The following HCN2 variants were observed in gnomAD, a reference collection of about 807,000 sequenced individuals.
The protein encoded by HCN2 is hyperpolarization activated cyclic nucleotide gated potassium and sodium channel 2.
A neutral mutation model predicts 52.3 loss-of-function variants in HCN2; 20 were observed. That is an observed-to-expected ratio of 0.38 (90% CI 0.27 to 0.56). HCN2 has a LOEUF of 0.56. Ranked by LOEUF, HCN2 falls within the 20% of genes least tolerant of loss-of-function variation. HCN2 has a pLI of 0.71. For synonymous variants in HCN2, 694 were observed against 537.0 expected (o/e 1.29, Z -4.04); for missense variants, 981 against 1,207.7 (o/e 0.81, Z 2.78).
In HCN2 at chr19:617,019, G is replaced by A. The variant is rs1007278171; in HGVS notation, c.*545G>A. On this transcript the variant is annotated 3_prime_UTR_variant, in exon 8 of 8. Transcript: ENST00000251287. ...CCGAGAGGCAGGCCTGGCTGCGCAG[G>A]GCGCGGGGGGGAGGCTGGGGTCCCG... The A allele has an allele frequency of 3.1e-5, 16 of 508,990 alleles. No individual in the cohort carries two copies. The highest frequency in any genetic ancestry group is 5.4e-5 in the Non-Finnish European group (15 of 277,486). 31.5% of individuals were successfully genotyped at this position (508,990 alleles called of 1,614,324 possible). A position where few individuals can be genotyped will look rare whatever the true frequency, so the allele number is the denominator to read the frequency against.
chr19:615,783 CCT>C lies in HCN2; in HGVS notation c.1991-8_1991-7del, dbSNP rs776002683. The C allele has an allele frequency of 3.1e-6, 5 of 1,610,632 alleles. No homozygotes were observed. Among genetic ancestry groups the C allele is most frequent in the Non-Finnish European group, 2.5e-6 (3 of 1,179,304 alleles). ...GCTCCCTGTGCACACGCTAACGCCC[CCT>C]CTCCCGCAGGCAAGAAGAATTCCAT... On this transcript the variant is annotated splice_polypyrimidine_tract_variant and intron_variant, in intron 7 of 7. Transcript: ENST00000251287.
chr19:613,817 T>G, intron 6 of HCN2, 35 bp from the exon 7 acceptor site: 21 of 1,478,640 alleles, frequency 1.4e-5, no homozygotes, highest in Non-Finnish European at 1.8e-5. Context: ...GGCGCCCGCC[T>G]CGTCCAGCAA....
At chr19:609,391 C>T (rs1404133555) in intron 4 of HCN2, among the ~76,000 whole-genome samples, 1 of 152,222 alleles carries the variant, frequency 6.6e-6, no homozygotes, top group Non-Finnish European at 1.5e-5. Flanking sequence ...GAAGGGGGTC[C>T]TGTGTGTCAG....
chr19:592,154 C>T lies in HCN2; in HGVS notation c.632+1577C>T, dbSNP rs1982892373. 6.6e-6 allele frequency among the ~76,000 whole-genome samples: 1 copy of T among 152,204 alleles called. No homozygotes were observed. The highest frequency in any genetic ancestry group is 6.5e-5 in the Admixed American group (1 of 15,282). On this transcript the variant is annotated intron_variant, in intron 1 of 7. Coordinates refer to ENST00000251287, the MANE Select transcript of HCN2 (RefSeq NM_001194.4). This position sits in a 1 kb window ranked among gnomAD's most constrained non-coding sequence, Gnocchi z 4.8. ...CTGCTGGTCGGCCTGGCCCCACTTCCAGTCGGGCAGTGGCACCCCCTGACC... is the reference window on the plus strand; with the variant it reads ...CTGCTGGTCGGCCTGGCCCCACTTCTAGTCGGGCAGTGGCACCCCCTGACC...
rs1381620056 is a variant in HCN2 at position 616,296 on chromosome 19, C to T, written c.2492C>T (p.Ala831Val). 1.7e-5 allele frequency: 19 copies of T among 1,088,238 alleles called. No homozygotes were observed. In the East Asian group the frequency reaches 2.3e-4, roughly 13 times the overall value. 67.4% of individuals were successfully genotyped at this position (1,088,238 alleles called of 1,614,324 possible). The change falls in exon 8 of 8, where the codon GCC becomes GTC. Residue 831 changes from alanine (A) to valine (V), a missense_variant. This residue lies in a region of HCN2 where 368 missense variants were observed against 314.8 expected (regional missense o/e 1.17). Transcript: ENST00000251287. ...TCGCAGCCCTCGCTGCCTCACGGCG[C>T]CCCCGGCCCCGCGGCCTCCACACGC... ...SASQPSLPHG[A>V]PGPAASTRPA...
At chr19:608,462 G>A (rs773037697) in intron 4 of HCN2, among the ~76,000 whole-genome samples, 3 of 151,962 alleles carry the variant, frequency 2.0e-5, no homozygotes, top group African/African-American at 7.2e-5. Flanking sequence ...GGCAGAGACC[G>A]CGTGATGGGG....
At position 603,749 on chromosome 19, in the gene HCN2, G is replaced by A. The variant is rs114790896; in HGVS notation, c.838G>A (p.Glu280Lys). ...EDNTEIILDP[E>K]KIKKKYLRTW... ...CAACACGGAGATCATCCTGGACCCCGAGAAGATCAAGAAGAAGTATCTGCG... is the reference window on the plus strand; with the variant it reads ...CAACACGGAGATCATCCTGGACCCCAAGAAGATCAAGAAGAAGTATCTGCG... The change falls in exon 2 of 8, where the codon GAG becomes AAG. Residue 280 changes from glutamate (E) to lysine (K), a missense_variant. Physicochemically the swap from Glu to Lys is moderately conservative, Grantham distance 56. Coordinates refer to ENST00000251287, the MANE Select transcript of HCN2 (RefSeq NM_001194.4). 1.4e-3 allele frequency: 2,263 copies of A among 1,612,912 alleles called. 25 individuals are homozygous for A. The African/African-American group carries it at 0.028, about 20-fold the overall frequency.
intron 2 of HCN2, among the ~76,000 whole-genome samples, chr19:604,310 C>G (rs1983325400): frequency 7.4e-6 from 1 of 134,442 alleles, no homozygotes; most frequent in Non-Finnish European, 1.6e-5. Flanking sequence ...TATGAGAGAT[C>G]TGGGTGGGGT....
chr19:601,676 T>C (rs910387438), intron 1 of HCN2, among the ~76,000 whole-genome samples: 1 of 152,184 alleles, frequency 6.6e-6, no homozygotes, highest in African/African-American at 2.4e-5. Flanking sequence ...GGTAATTTTA[T>C]GTCTTTTTAA....
In HCN2 at chr19:610,270, G is replaced by A. The variant is rs771289944; in HGVS notation, c.1449G>A (p.Val483=). ...CCTCCTCCCCACAGTACAAGCAGGT[G>A]GAGCAGTACATGTCCTTCCACAAGC... ...RRQYQEKYKQ[V]EQYMSFHKLP... is the part of the protein sequence containing the mutation. The change falls in exon 5 of 8, where the codon GTG becomes GTA. Residue 483 remains valine, a synonymous_variant. Transcript: ENST00000251287. The A allele has an allele frequency of 6.2e-7, 1 of 1,613,302 alleles. No individual in the cohort carries two copies. Among genetic ancestry groups the A allele is most frequent in the Non-Finnish European group, 8.5e-7 (1 of 1,179,722 alleles).
Position 616,555 on chromosome 19 carries a change from C to T in HCN2, c.*81C>T, listed in dbSNP as rs1472184586. ...ACCAAAGCCATGCCATTGCGCTGCCCCGGCCGCCAGTCCGCCCAGAAGCCA... is the reference window on the plus strand; with the variant it reads ...ACCAAAGCCATGCCATTGCGCTGCCTCGGCCGCCAGTCCGCCCAGAAGCCA... On this transcript the variant is annotated 3_prime_UTR_variant, in exon 8 of 8. Transcript: ENST00000251287. 1.5e-5 allele frequency: 13 copies of T among 848,438 alleles called. No homozygotes were observed. The highest frequency in any genetic ancestry group is 1.8e-5 in the African/African-American group (1 of 54,652). The allele number at this position is 848,438 out of a possible 1,614,324, so 52.6% of individuals were successfully genotyped here. A position where few individuals can be genotyped will look rare whatever the true frequency, so the allele number is the denominator to read the frequency against.
In HCN2 at chr19:616,325, G is replaced by T; in HGVS notation, c.2521G>T (p.Ala841Ser). The stretch of plus-strand genomic sequence containing the variant: ...CGGCCCCGCGGCCTCCACACGCCCG[G>T]CCAGCAGCTCCACACCGCGCTTGGG... The part of the protein sequence containing the change: ...APGPAASTRP[A>S]SSSTPRLGPT... The change falls in exon 8 of 8, where the codon GCC (alanine) becomes TCC (serine). Residue 841 changes from alanine (A) to serine (S), a missense_variant. Coordinates refer to ENST00000251287, the MANE Select transcript of HCN2 (RefSeq NM_001194.4). The T allele has an allele frequency of 8.5e-7, 1 of 1,174,502 alleles. No homozygotes were observed. The highest frequency in any genetic ancestry group is 2.2e-5 in the South Asian group (1 of 44,740). 72.8% of individuals were successfully genotyped at this position (1,174,502 alleles called of 1,614,324 possible). A position where few individuals can be genotyped will look rare whatever the true frequency, so the allele number is the denominator to read the frequency against.
At position 617,095 on chromosome 19, in the gene HCN2, G is replaced by GCCCCCCCCCCCCCCATAAA; in HGVS notation, c.*627_*628insCCCCCCCCATAAACCCCCC. 1.9e-6 allele frequency: 1 copy of GCCCCCCCCCCCCCCATAAA among 513,172 alleles called. No homozygotes were observed. Among genetic ancestry groups the GCCCCCCCCCCCCCCATAAA allele is most frequent in the Non-Finnish European group, 3.5e-6 (1 of 282,116 alleles). 31.8% of individuals were successfully genotyped at this position (513,172 alleles called of 1,614,324 possible). ...CCGAGGCAGCAGTGCCCCCACCGTGGCCCCCCACGCCCCATTAACCCCCAC... is the reference window on the plus strand; with the variant it reads ...CCGAGGCAGCAGTGCCCCCACCGTGGCCCCCCCCCCCCCCATAAACCCCCCACGCCCCATTAACCCCCAC... On this transcript the variant is annotated 3_prime_UTR_variant, in exon 8 of 8. Coordinates refer to ENST00000251287, the MANE Select transcript of HCN2 (RefSeq NM_001194.4).
chr19:609,682 C>G (rs1983541571), intron 4 of HCN2, among the ~76,000 whole-genome samples: 1 of 152,164 alleles, frequency 6.6e-6, no homozygotes, highest in Non-Finnish European at 1.5e-5. Flanking sequence ...GGGAGGATCC[C>G]TTGAGCCCAG....
rs1013018256 is a variant in HCN2 at position 616,890 on chromosome 19, C to T, written c.*416C>T. 5 of 289,072 alleles carry T rather than the reference C, an allele frequency of 1.7e-5. No individual in the cohort carries two copies. The highest frequency in any genetic ancestry group is 3.3e-5 in the Non-Finnish European group (5 of 152,724). The allele number at this position is 289,072 out of a possible 1,614,324, so 17.9% of individuals were successfully genotyped here. ...GTGCAATACTTGGCCCGCCGGCTTC[C>T]CGCTGCCCCCATCGCGCTCACGCAA... On this transcript the variant is annotated 3_prime_UTR_variant, in exon 8 of 8. Coordinates refer to ENST00000251287, the MANE Select transcript of HCN2 (RefSeq NM_001194.4).
Position 616,491 on chromosome 19 carries a change from C to T in HCN2, c.*17C>T, listed in dbSNP as rs2144541767. The T allele has an allele frequency of 1.6e-6, 2 of 1,214,044 alleles. No homozygotes were observed. Among genetic ancestry groups the T allele is most frequent in the Non-Finnish European group, 1.0e-6 (1 of 973,716 alleles). The allele number at this position is 1,214,044 out of a possible 1,614,324, so 75.2% of individuals were successfully genotyped here. A position where few individuals can be genotyped will look rare whatever the true frequency, so the allele number is the denominator to read the frequency against. On this transcript the variant is annotated 3_prime_UTR_variant, in exon 8 of 8. Transcript: ENST00000251287. ...AACTTGTGACCCTCGCCGACCGCCC[C>T]GCGGGCCCAGGCGGGCCGGGGGCGG...
rs993881190 is a variant in HCN2 at position 592,145 on chromosome 19, C to T, written c.632+1568C>T. ...CTTCCAGGGCTGCTGGTCGGCCTGG[C>T]CCCACTTCCAGTCGGGCAGTGGCAC... On this transcript the variant is annotated intron_variant, in intron 1 of 7. Transcript: ENST00000251287. This position sits in a 1 kb window ranked among gnomAD's most constrained non-coding sequence, Gnocchi z 4.8. Among the ~76,000 whole-genome samples the T allele has an allele frequency of 6.6e-6, 1 of 152,204 alleles. No individual in the cohort carries two copies. The highest frequency in any genetic ancestry group is 2.4e-5 in the African/African-American group (1 of 41,456).
intron 5 of HCN2, among the ~76,000 whole-genome samples, chr19:610,843 C>A (rs1419956575): frequency 6.6e-6 from 1 of 152,120 alleles, no homozygotes; most frequent in African/African-American, 2.4e-5. Flanking sequence ...GTGGCTTGAA[C>A]AGCGGAGATT....
rs1407991290 is a variant in HCN2 at position 592,368 on chromosome 19, GGGGCAGGT to G, written c.632+1798_632+1805del. On this transcript the variant is annotated intron_variant, in intron 1 of 7. Transcript: ENST00000251287. This position sits in a 1 kb window ranked among gnomAD's most constrained non-coding sequence, Gnocchi z 4.8. ...TGCAGAGGGGCGGTCGGTGGCCTGG[GGGGCAGGT>G]GGGCAGATGGCTGATCCCGGGGCTT... 6.6e-6 allele frequency among the ~76,000 whole-genome samples: 1 copy of G among 152,226 alleles called. No individual in the cohort carries two copies. Among genetic ancestry groups the G allele is most frequent in the Non-Finnish European group, 1.5e-5 (1 of 68,040 alleles).
Sources: allele counts gnomAD v4.1 joint callset (sites outside exome capture counted in the v4.1 genomes callset), GRCh38; gene constraint gnomAD v4.1.1; regional missense constraint gnomAD v4.1.1; non-coding constraint Gnocchi (gnomAD v3.1); transcripts MANE v1.5; gene names NCBI Gene and HGNC (gene_info 2026-07-23, HGNC 2026-07-21).